Variants in DLAT observed in about 807,000 individuals in gnomAD.
The protein encoded by DLAT is dihydrolipoamide S-acetyltransferase.
In DLAT, 43 loss-of-function variants were observed where a neutral mutation model predicts 68.0. The ratio of observed to expected loss-of-function variants is 0.63; its 90% CI spans 0.50 to 0.81. The LOEUF is 0.81. DLAT is among the 40% of genes least tolerant of loss of function. DLAT has a pLI of 0.00. For missense variants in DLAT, 745 were observed against 815.4 expected, an observed-to-expected ratio of 0.91 and a Z score of 1.05; for synonymous variants, 265 against 288.6, an observed-to-expected ratio of 0.92 and a Z score of 0.83.
In DLAT at chr11:112,051,263, C is replaced by G. The variant is rs782107140; in HGVS notation, c.1428C>G (p.Val476=). 6.2e-7 allele frequency: 1 copy of G among 1,612,836 alleles called. No homozygotes were observed. The part of the protein sequence containing the change: ...KILEGRSKIS[V]NDFIIKASAL... ...TAGAAGGGAGAAGCAAAATTTCTGT[C>G]AATGACTTCATCATAAAAGCTTCAG... Residue 476 remains valine (V), a synonymous_variant, in exon 11 of 14, where the codon GTC becomes GTG. Transcript: ENST00000280346. The surrounding 1 kb of genome is among the most constrained non-coding windows in gnomAD (Gnocchi z 4.3).
rs879971191 is a variant in DLAT at position 112,027,933 on chromosome 11, CGGAGAG to C, written c.382-567_382-562del. ...GACCGTGGGGAGAGGGAGAGGGAGA[CGGAGAG>C]GGAGAGGGAGAGGGTAAGTTGTTTT... On this transcript the variant is annotated intron_variant, in intron 2 of 13. Coordinates refer to ENST00000280346, the MANE Select transcript of DLAT (RefSeq NM_001931.5). Among the ~76,000 whole-genome samples, 185 of 147,812 alleles carry C rather than the reference CGGAGAG, an allele frequency of 1.3e-3. 1 individual carries two copies. The highest frequency in any genetic ancestry group is 2.4e-3 in the African/African-American group (95 of 40,216).
intron 10 of DLAT, 57 bp downstream of exon 10, chr11:112,046,027 CA>C: frequency 1.0e-6 from 1 of 965,924 alleles, no homozygotes. Context: ...CTTTCCCCAC[CA>C]AACATTTATA....
At position 112,045,930 on chromosome 11, in the gene DLAT, A is replaced by G. The variant is rs587676433; in HGVS notation, c.1358A>G (p.Asn453Ser). Residue 453 changes from asparagine to serine, a missense_variant, in exon 10 of 14, where the codon AAT becomes AGT. Asn to Ser is a conservative substitution (Grantham distance 46). Coordinates refer to ENST00000280346, the MANE Select transcript of DLAT (RefSeq NM_001931.5). ...CATTATTACCTTTCTATCGATGTAA[A>G]TATGGGAGAAGTTTTGTTGGTACGG... The part of the protein sequence containing the change: ...IPHYYLSIDV[N>S]MGEVLLVRKE... 6.2e-7 allele frequency: 1 copy of G among 1,610,946 alleles called. No individual in the cohort carries two copies. Among genetic ancestry groups the G allele is most frequent in the African/African-American group, 1.3e-5 (1 of 75,024 alleles).
rs1278772770 is a variant in DLAT at position 112,025,412 on chromosome 11, C to G, written c.-61C>G. The stretch of plus-strand genomic sequence containing the variant: ...GGTGTGGCTGACGGCAACGCCGCTG[C>G]TCTTGGAGAGGTCACTCCGGAGACG... On this transcript the variant is annotated 5_prime_UTR_variant, in exon 1 of 14. Coordinates refer to ENST00000280346, the MANE Select transcript of DLAT (RefSeq NM_001931.5). The G allele has an allele frequency of 3.8e-6, 6 of 1,570,062 alleles. No homozygotes were observed. The highest frequency in any genetic ancestry group is 5.2e-6 in the Non-Finnish European group (6 of 1,163,278).
At chr11:112,054,795 C>T (rs1555182321) in intron 11 of DLAT, among the ~76,000 whole-genome samples, 1 of 152,130 alleles carries the variant, frequency 6.6e-6, no homozygotes, top group Non-Finnish European at 1.5e-5. Context: ...CAATGCGTTC[C>T]CTCCAAAGAC....
chr11:112,060,157 A>AT, intron 12 of DLAT, 92 bp downstream of exon 12: 6 of 952,594 alleles, frequency 6.3e-6, no homozygotes, highest in Admixed American at 2.8e-5. Context: ...TCTGTCACGT[A>AT]ATTTTTTTTT....
Position 112,045,988 on chromosome 11 carries a change from T to G in DLAT, c.1398+18T>G. On this transcript the variant is annotated intron_variant, in intron 10 of 13. Transcript: ENST00000280346. ...TTAATAAGGTAAAAGTTCTGAAAAT[T>G]CCAACTTTCTAAGTTATAAAAATTT... 1 of 1,451,014 alleles carries G rather than the reference T, an allele frequency of 6.9e-7. No individual in the cohort carries two copies. The highest frequency in any genetic ancestry group is 9.7e-7 in the Non-Finnish European group (1 of 1,034,478). 89.9% of individuals were successfully genotyped at this position (1,451,014 alleles called of 1,614,324 possible). A position where few individuals can be genotyped will look rare whatever the true frequency, so the allele number is the denominator to read the frequency against.
chr11:112,044,904 G>A (rs1024574217), intron 8 of DLAT, among the ~76,000 whole-genome samples: 11 of 151,954 alleles, frequency 7.2e-5, no homozygotes, highest in African/African-American at 2.2e-4. Flanking sequence ...GCATGTTGGC[G>A]TGCACCTGTA....
Position 112,064,208 on chromosome 11 carries a change from G to A in DLAT, c.*1673G>A. ...TAATTCATCTTTCGCTAATGCTTGT[G>A]GTTCTGTTGTTCCCTTGAAAAAAAA... is the stretch of plus-strand genomic sequence containing the variant. On this transcript the variant is annotated 3_prime_UTR_variant, in exon 14 of 14. Transcript: ENST00000280346. 1.9e-6 allele frequency: 3 copies of A among 1,567,764 alleles called. No homozygotes were observed. The highest frequency in any genetic ancestry group is 2.4e-5 in the South Asian group (2 of 84,294).
intron 6 of DLAT, among the ~76,000 whole-genome samples, chr11:112,038,696 A>C (rs1862897087): frequency 6.6e-6 from 1 of 150,898 alleles, no homozygotes; most frequent in Non-Finnish European, 1.5e-5. Flanking sequence ...AATACAAAAA[A>C]TTAGCTGGGC....
chr11:112,035,570 C>T (rs1428280976), intron 5 of DLAT, among the ~76,000 whole-genome samples: 1 of 149,908 alleles, frequency 6.7e-6, no homozygotes, highest in East Asian at 2.0e-4. Context: ...CCCACCACAA[C>T]CTCTGCCTCC....
intron 7 of DLAT, 36 bp downstream of exon 7, chr11:112,039,433 T>C: frequency 6.2e-7 from 1 of 1,609,156 alleles, no homozygotes; most frequent in Non-Finnish European, 8.5e-7. Context: ...TTTATAAAGT[T>C]AAAATTTAGT....
chr11:112,028,662 G>C lies in DLAT; in HGVS notation c.506+23G>C, dbSNP rs1555179663. 1.9e-6 allele frequency: 3 copies of C among 1,614,152 alleles called. No individual in the cohort carries two copies. In the South Asian group the frequency reaches 3.3e-5, roughly 18 times the overall value. On this transcript the variant is annotated intron_variant, in intron 3 of 13. Coordinates refer to ENST00000280346, the MANE Select transcript of DLAT (RefSeq NM_001931.5). ...CAAGTGAGTAGTGCGCTCATAATTTGTGGAACTTCATTGCTTGGTGGAGTA... is the reference window on the plus strand; with the variant it reads ...CAAGTGAGTAGTGCGCTCATAATTTCTGGAACTTCATTGCTTGGTGGAGTA...
intron 13 of DLAT, among the ~76,000 whole-genome samples, chr11:112,061,874 T>C (rs1864650095): frequency 6.6e-6 from 1 of 152,216 alleles, no homozygotes; most frequent in Non-Finnish European, 1.5e-5. Context: ...TGAGCCAGTG[T>C]GCCTGGCCAG....
In DLAT at chr11:112,037,316, C is replaced by T; in HGVS notation, c.831C>T (p.Val277=). 1 of 1,614,138 alleles carries T rather than the reference C, an allele frequency of 6.2e-7. No homozygotes were observed. Among genetic ancestry groups the T allele is most frequent in the Non-Finnish European group, 8.5e-7 (1 of 1,180,018 alleles). ...AAGGTTATCTGGCAAAAATCCTGGTCCCTGAAGGCACAAGAGATGTCCCTC... is the reference window on the plus strand; with the variant it reads ...AAGGTTATCTGGCAAAAATCCTGGTTCCTGAAGGCACAAGAGATGTCCCTC... ...QEEGYLAKIL[V]PEGTRDVPLG... Residue 277 remains valine (V), a synonymous_variant, in exon 6 of 14, where the codon GTC becomes GTT. Coordinates refer to ENST00000280346, the MANE Select transcript of DLAT (RefSeq NM_001931.5).
rs191053450 is a variant in DLAT, at chr11:112,038,250, G to A, written c.975+790G>A. ...GTCTTGCTCCGTCACCCAGGCTGGC[G>A]TGCAGTGGCGTGATCTTGGCTCACT... On this transcript the variant is annotated intron_variant, in intron 6 of 13. Transcript: ENST00000280346. 4.3e-3 allele frequency among the ~76,000 whole-genome samples: 647 copies of A among 152,212 alleles called. 3 individuals are homozygous for A. Among genetic ancestry groups the A allele is most frequent in the African/African-American group, 0.015 (616 of 41,554 alleles).
intron 7 of DLAT, among the ~76,000 whole-genome samples, chr11:112,039,640 T>C (rs1326142183): frequency 2.0e-5 from 3 of 152,196 alleles, no homozygotes; most frequent in African/African-American, 7.2e-5. Flanking sequence ...CCTTTTTTTT[T>C]CCTCTTCTAT....
At chr11:112,040,353 G>A (rs1484092640) in intron 7 of DLAT, among the ~76,000 whole-genome samples, 1 of 152,024 alleles carries the variant, frequency 6.6e-6, no homozygotes, top group Non-Finnish European at 1.5e-5. Context: ...CTTATTTTCT[G>A]GATAAGAAAA....
At chr11:112,062,330 T>C in intron 13 of DLAT, 76 bp from the exon 14 acceptor site, 2 of 1,505,440 alleles carry the variant, frequency 1.3e-6, no homozygotes, top group Non-Finnish European at 1.8e-6. Context: ...AGGGTAGGAG[T>C]GAGCATTTGG....
Sources: gnomAD v4.1 joint callset for allele counts (sites outside exome capture counted in the v4.1 genomes callset) on GRCh38, gnomAD v4.1.1 for gene constraint, Gnocchi (gnomAD v3.1) non-coding constraint, MANE v1.5 for transcripts, NCBI Gene and HGNC (gene_info 2026-07-23, HGNC 2026-07-21) for gene names.